The following CACNA2D3 variants were observed in gnomAD, a reference collection of about 807,000 sequenced individuals.
CACNA2D3 encodes voltage-dependent calcium channel subunit alpha-2/delta-3.
CACNA2D3 carries 60 observed loss-of-function variants against 160.6 expected under a neutral mutation model. The ratio of observed to expected loss-of-function variants is 0.37; its 90% CI spans 0.30 to 0.46. CACNA2D3 has a LOEUF of 0.46. Among genes scored for constraint, CACNA2D3 ranks in the 20% least tolerant of loss-of-function variants. CACNA2D3 has a pLI of 1.00. For synonymous variants in CACNA2D3, 558 were observed against 492.9 expected (o/e 1.13, Z -1.75); for missense variants, 1,205 against 1,365.0 (o/e 0.88, Z 1.85).
intron 11 of CACNA2D3, among the ~76,000 whole-genome samples, chr3:54,648,133 A>G (rs1699689295): frequency 6.6e-6 from 1 of 152,250 alleles, no homozygotes; most frequent in African/African-American, 2.4e-5. Context: ...GAAAATGATT[A>G]GCCAGGTTAT....
At chr3:54,388,984 A>G (rs1234050085) in intron 4 of CACNA2D3, among the ~76,000 whole-genome samples, 4 of 151,254 alleles carry the variant, frequency 2.6e-5, no homozygotes, top group Non-Finnish European at 5.9e-5. Context: ...CCGCTTGATA[A>G]TAAATAAACA....
rs1263742394 is a variant in CACNA2D3 at position 54,891,384 on chromosome 3, T to C, written c.2180T>C (p.Phe727Ser). The change falls in exon 25 of 38, where the codon TTC becomes TCC. Residue 727 changes from phenylalanine (F) to serine (S), a missense_variant. By Grantham distance (155) the Phe-to-Ser change is radical (BLOSUM62 -2). Coordinates refer to ENST00000474759, the MANE Select transcript of CACNA2D3 (RefSeq NM_018398.3). Reference protein sequence around the residue: ...ENSDKGVEVAFLGTRTGLSRI... With the variant: ...ENSDKGVEVASLGTRTGLSRI... Reference sequence around the variant, plus strand: ...TCTGACAAGGGCGTGGAGGTTGCCTTCCTCGGCACTCGCACGGGCCTCTCC... The same window carrying C: ...TCTGACAAGGGCGTGGAGGTTGCCTCCCTCGGCACTCGCACGGGCCTCTCC... 6.2e-7 allele frequency: 1 copy of C among 1,613,948 alleles called. No individual in the cohort carries two copies. The highest frequency in any genetic ancestry group is 8.5e-7 in the Non-Finnish European group (1 of 1,179,870).
intron 35 of CACNA2D3, among the ~76,000 whole-genome samples, chr3:55,019,451 G>A (rs1052146622): frequency 3.3e-5 from 5 of 151,830 alleles, no homozygotes; most frequent in Non-Finnish European, 7.4e-5. Context: ...TTAGTTATAT[G>A]CCTTTTCTAT....
intron 14 of CACNA2D3, among the ~76,000 whole-genome samples, chr3:54,830,636 G>T (rs1389608383): frequency 2.0e-5 from 3 of 151,948 alleles, no homozygotes; most frequent in Non-Finnish European, 2.9e-5. Flanking sequence ...TGTATTTTTA[G>T]TGCAGACGGG....
At chr3:54,766,872 A>G (rs1043410102) in intron 13 of CACNA2D3, among the ~76,000 whole-genome samples, 1 of 151,810 alleles carries the variant, frequency 6.6e-6, no homozygotes, top group Non-Finnish European at 1.5e-5. Context: ...TATATATAGC[A>G]TACTACCTTT....
chr3:54,646,179 C>CTT (rs1343536552), intron 11 of CACNA2D3, among the ~76,000 whole-genome samples: 1 of 28,414 alleles, frequency 3.5e-5, no homozygotes, highest in Non-Finnish European at 8.1e-5. Flanking sequence ...TCCCTCCCTC[C>CTT]CTCCCTCCTT....
intron 10 of CACNA2D3, among the ~76,000 whole-genome samples, chr3:54,634,908 G>C (rs925922407): frequency 5.3e-5 from 8 of 152,044 alleles, no homozygotes; most frequent in Admixed American, 5.2e-4. Flanking sequence ...GGATGCAATG[G>C]CTTGGCTTGG....
chr3:55,027,975 C>T (rs867067799), intron 35 of CACNA2D3, among the ~76,000 whole-genome samples: 2 of 152,194 alleles, frequency 1.3e-5, no homozygotes, highest in East Asian at 1.9e-4. Flanking sequence ...AGAAGAGATC[C>T]GCTGACCCTG....
chr3:54,953,453 C>A (rs778308815), intron 27 of CACNA2D3, among the ~76,000 whole-genome samples: 12 of 152,148 alleles, frequency 7.9e-5, no homozygotes, highest in Non-Finnish European at 8.8e-5. Flanking sequence ...ACAGATAGCA[C>A]TGGGCCAAGA....
At chr3:54,560,506 A>G (rs1002341571) in intron 5 of CACNA2D3, among the ~76,000 whole-genome samples, 1 of 152,198 alleles carries the variant, frequency 6.6e-6, no homozygotes, top group African/African-American at 2.4e-5. Flanking sequence ...ATAATTTGCA[A>G]AAATTTTCTC....
intron 10 of CACNA2D3, chr3:54,634,596 G>A (rs993575445): frequency 3.3e-5 from 5 of 152,150 alleles, no homozygotes; most frequent in African/African-American, 1.2e-4. Flanking sequence ...AGCGAAGGGA[G>A]ATAAGGGTGG....
At chr3:54,213,670 C>T (rs576243946) in intron 2 of CACNA2D3, among the ~76,000 whole-genome samples, 32 of 152,334 alleles carry the variant, frequency 2.1e-4, no homozygotes, top group Non-Finnish European at 3.7e-4. Flanking sequence ...CCACTGGTCT[C>T]ATTTGACATC....
chr3:54,762,080 C>T (rs1284544428), intron 12 of CACNA2D3, among the ~76,000 whole-genome samples: 1 of 152,098 alleles, frequency 6.6e-6, no homozygotes, highest in African/African-American at 2.4e-5. Context: ...TTTAGAGGCA[C>T]GGGGAGGAAA....
intron 4 of CACNA2D3, among the ~76,000 whole-genome samples, chr3:54,496,785 C>G (rs1217337430): frequency 2.6e-5 from 4 of 152,130 alleles, no homozygotes; most frequent in Admixed American, 2.6e-4. Flanking sequence ...TTAAGTCTGT[C>G]ATCCATCTCA....
intron 11 of CACNA2D3, among the ~76,000 whole-genome samples, chr3:54,696,641 C>T (rs1700671753): frequency 6.6e-6 from 1 of 152,098 alleles, no homozygotes; most frequent in Non-Finnish European, 1.5e-5. Context: ...TGTGTGTGGT[C>T]GGTGGCTGTA....
chr3:54,626,852 A>C (rs1699126937), intron 9 of CACNA2D3, among the ~76,000 whole-genome samples: 1 of 152,200 alleles, frequency 6.6e-6, no homozygotes, highest in South Asian at 2.1e-4. Context: ...GTTCCTGGGC[A>C]TGAGCCTGAA....
At chr3:54,459,034 G>A (rs13063940) in intron 4 of CACNA2D3, among the ~76,000 whole-genome samples, 15,679 of 151,836 alleles carry the variant, frequency 0.1, 915 homozygotes, top group Admixed American at 0.14. Context: ...TTGGTTTTTC[G>A]TCCTTGCGAT....
At chr3:55,004,899 G>A in intron 32 of CACNA2D3, 61 bp downstream of exon 32, 1 of 1,153,344 alleles carries the variant, frequency 8.7e-7, no homozygotes, top group Non-Finnish European at 1.3e-6. Context: ...CCCTGTCTGA[G>A]TGTTATCTTC....
chr3:54,887,053 G>A (rs58299136), intron 23 of CACNA2D3, among the ~76,000 whole-genome samples: 118,447 of 151,616 alleles, frequency 0.78, 47,151 homozygotes, highest in African/African-American at 0.93. Context: ...GACTTACCAT[G>A]TCCTCTCATT....
Sources: allele counts gnomAD v4.1 joint callset (sites outside exome capture counted in the v4.1 genomes callset), GRCh38; gene constraint gnomAD v4.1.1; transcripts MANE v1.5; gene names NCBI Gene and HGNC (gene_info 2026-07-23, HGNC 2026-07-21).